Variants in DNAH6 observed in about 807,000 individuals in gnomAD.
The protein encoded by DNAH6 is axonemal beta dynein heavy chain 6.
In DNAH6, 340 loss-of-function variants were observed where a neutral mutation model predicts 491.4. The observed-to-expected ratio is 0.69, with a 90% CI of 0.63 to 0.76. DNAH6 has a LOEUF of 0.76. Among genes scored for constraint, DNAH6 ranks in the 30% least tolerant of loss-of-function variants. DNAH6 has a pLI of 0.00. For synonymous variants in DNAH6, 1,603 were observed against 1,686.1 expected (o/e 0.95, Z 1.21); for missense variants, 4,443 against 4,972.2 (o/e 0.89, Z 3.20).
intron 72 of DNAH6, among the ~76,000 whole-genome samples, chr2:84,809,646 T>C (rs1212416877): frequency 6.6e-6 from 1 of 152,150 alleles, no homozygotes; most frequent in Admixed American, 6.5e-5. Context: ...AAATTCACTT[T>C]ACTCTCCCCT....
intron 59 of DNAH6, among the ~76,000 whole-genome samples, chr2:84,718,852 A>G (rs962333795): frequency 2.0e-5 from 3 of 152,244 alleles, no homozygotes; most frequent in Non-Finnish European, 2.9e-5. Context: ...AGTTCTATGC[A>G]GTGGGAATCT....
Position 84,544,256 on chromosome 2 carries a change from A to G in DNAH6, c.686A>G (p.Asn229Ser), listed in dbSNP as rs1168720255. ...AGAGTTGTAAGTTATGAGAACATCA[A>G]TAAAAATGACTACTATACTATTAGC... The part of the protein sequence containing the change: ...NLKVVSYENI[N>S]KNDYYTISQR... The change falls in exon 5 of 77, where the codon AAT (asparagine) becomes AGT (serine). Residue 229 changes from asparagine to serine, a missense_variant. Physicochemically the swap from Asn to Ser is conservative, Grantham distance 46 (BLOSUM62 1). Coordinates refer to ENST00000389394, the MANE Select transcript of DNAH6 (RefSeq NM_001370.2). 4 of 1,480,974 alleles carry G rather than the reference A, an allele frequency of 2.7e-6. No homozygotes were observed. The highest frequency in any genetic ancestry group is 3.7e-6 in the Non-Finnish European group (4 of 1,088,682). The allele number at this position is 1,480,974 out of a possible 1,614,324, so 91.7% of individuals were successfully genotyped here.
chr2:84,667,452 A>G (rs1332723019), intron 37 of DNAH6, among the ~76,000 whole-genome samples: 1 of 152,258 alleles, frequency 6.6e-6, no homozygotes, highest in Non-Finnish European at 1.5e-5. Flanking sequence ...ATGTGAACAG[A>G]TACTTCTCAA....
intron 33 of DNAH6, among the ~76,000 whole-genome samples, chr2:84,650,875 G>A (rs889343427): frequency 6.6e-6 from 1 of 152,172 alleles, no homozygotes; most frequent in Non-Finnish European, 1.5e-5. Context: ...GAGGTATTAT[G>A]TTATGAGACT....
At chr2:84,464,377 A>G in the DNAH6 span, among the ~76,000 whole-genome samples, 5 of 151,460 alleles carry the variant, frequency 3.3e-5, no homozygotes, top group African/African-American at 1.2e-4. Flanking sequence ...TGTCTCTCCT[A>G]CTCCCCCAGA....
chr2:84,556,827 G>C (rs1018893677), intron 10 of DNAH6, among the ~76,000 whole-genome samples: 1 of 151,954 alleles, frequency 6.6e-6, no homozygotes, highest in Non-Finnish European at 1.5e-5. Flanking sequence ...TCTTTTATTC[G>C]AACTTAACAT....
intron 12 of DNAH6, among the ~76,000 whole-genome samples, chr2:84,575,920 T>C (rs1410453060): frequency 1.3e-5 from 2 of 152,212 alleles, no homozygotes; most frequent in Non-Finnish European, 2.9e-5. Flanking sequence ...TTCTCAACTA[T>C]CGGCTTTAAT....
intron 33 of DNAH6, among the ~76,000 whole-genome samples, chr2:84,647,437 G>A (rs996548898): frequency 3.9e-5 from 6 of 152,124 alleles, no homozygotes; most frequent in African/African-American, 1.2e-4. Flanking sequence ...TAGTGAAAAA[G>A]GAGAAACCAA....
intron 64 of DNAH6, among the ~76,000 whole-genome samples, chr2:84,767,525 C>CA (rs201727709): frequency 2.9e-4 from 42 of 144,134 alleles, no homozygotes; most frequent in Non-Finnish European, 4.3e-4. Flanking sequence ...GATCCTGTGT[C>CA]AAAAAAAAAT....
intron 65 of DNAH6, among the ~76,000 whole-genome samples, chr2:84,784,330 T>C (rs1676973699): frequency 1.3e-5 from 2 of 152,212 alleles, no homozygotes; most frequent in South Asian, 4.1e-4. Flanking sequence ...GCCATTTTCA[T>C]GCAACTTGTG....
chr2:84,624,114 A>G (rs1687639975), intron 26 of DNAH6, 151 bp from the exon 27 acceptor site: 1 of 663,282 alleles, frequency 1.5e-6, no homozygotes, highest in Non-Finnish European at 2.5e-6. Context: ...AGAATTAAAT[A>G]AAAGTATTGT....
rs1455668978 is a variant in DNAH6 at position 84,703,422 on chromosome 2, A to G, written c.8089A>G (p.Thr2697Ala). ...SARDRVKNGL[T>A]KLLETNILVD... is the part of the protein sequence containing the mutation. ...ACGAGATCGGGTGAAGAATGGTCTC[A>G]CCAAGCTACTAGAAACAAACATACT... The change falls in exon 50 of 77, where the codon ACC becomes GCC. Residue 2697 changes from threonine to alanine, a missense_variant. Thr to Ala is a moderately conservative substitution (Grantham distance 58). Transcript: ENST00000389394. The G allele has an allele frequency of 6.5e-7, 1 of 1,543,300 alleles. No homozygotes were observed. Among genetic ancestry groups the G allele is most frequent in the Non-Finnish European group, 8.8e-7 (1 of 1,142,756 alleles).
intron 11 of DNAH6, among the ~76,000 whole-genome samples, chr2:84,567,834 A>G (rs1681365937): frequency 6.6e-6 from 1 of 152,206 alleles, no homozygotes; most frequent in Non-Finnish European, 1.5e-5. Flanking sequence ...GCACAACAAA[A>G]GAAACTATCA....
intron 64 of DNAH6, among the ~76,000 whole-genome samples, chr2:84,768,278 C>T (rs1400857417): frequency 6.6e-6 from 1 of 151,774 alleles, no homozygotes; most frequent in Admixed American, 6.6e-5. Context: ...ACACAATAGA[C>T]AGGATCCAAA....
intron 65 of DNAH6, among the ~76,000 whole-genome samples, chr2:84,783,331 C>G (rs1424981855): frequency 6.6e-6 from 1 of 152,116 alleles, no homozygotes. Flanking sequence ...CTAGTCCAGC[C>G]CTAAAATTCT....
At chr2:84,488,954 C>T in the DNAH6 span, among the ~76,000 whole-genome samples, 11 of 151,954 alleles carry the variant, frequency 7.2e-5, no homozygotes, top group Non-Finnish European at 1.6e-4. Flanking sequence ...ACAGATAAGC[C>T]CTCACCATAA....
At chr2:84,484,640 A>G in the DNAH6 span, among the ~76,000 whole-genome samples, 5 of 152,140 alleles carry the variant, frequency 3.3e-5, no homozygotes, top group African/African-American at 1.2e-4. Context: ...TTGTAGTCAC[A>G]TCTCCCTCTG....
intron 45 of DNAH6, among the ~76,000 whole-genome samples, chr2:84,692,570 T>C (rs989439727): frequency 2.0e-5 from 3 of 152,146 alleles, no homozygotes; most frequent in South Asian, 2.1e-4. Context: ...TTTTAGACAA[T>C]GGTAATGATA....
upstream of DNAH6, among the ~76,000 whole-genome samples, chr2:84,515,146 C>T (rs1285708641): frequency 6.6e-6 from 1 of 152,094 alleles, no homozygotes; most frequent in Non-Finnish European, 1.5e-5. Context: ...ATTTCTTTTT[C>T]CATTATTAGT....
Sources: allele counts gnomAD v4.1 joint callset (sites outside exome capture counted in the v4.1 genomes callset), GRCh38; gene constraint gnomAD v4.1.1; transcripts MANE v1.5; gene names NCBI Gene and HGNC (gene_info 2026-07-23, HGNC 2026-07-21).